The following UST variants were observed in gnomAD, a reference collection of about 807,000 sequenced individuals.
The protein encoded by UST is chondroitin sulfate 2-O-sulfotransferase.
In UST, 21 loss-of-function variants were observed where a neutral mutation model predicts 45.6. That is an observed-to-expected ratio of 0.46 (90% CI 0.33 to 0.66). The LOEUF is 0.66. Among genes scored for constraint, UST ranks in the 30% least tolerant of loss-of-function variants. UST has a pLI of 0.02. For missense variants in UST, 463 were observed against 512.4 expected (o/e 0.90, Z 0.93); for synonymous variants, 215 against 200.6 (o/e 1.07, Z -0.61).
At chr6:148,763,896 T>C (rs1220063076) in intron 1 of UST, among the ~76,000 whole-genome samples, 1 of 152,224 alleles carries the variant, frequency 6.6e-6, no homozygotes, top group Non-Finnish European at 1.5e-5. Flanking sequence ...TTGGTTACTA[T>C]AGTCTTGTAG....
chr6:149,062,005 T>C (rs975164380), intron 7 of UST, among the ~76,000 whole-genome samples: 3 of 152,234 alleles, frequency 2.0e-5, no homozygotes, highest in Non-Finnish European at 4.4e-5. Context: ...TACCCAACAG[T>C]GTTTGAATCT....
chr6:148,877,269 T>G (rs1446050319), intron 1 of UST, among the ~76,000 whole-genome samples: 1 of 30,984 alleles, frequency 3.2e-5, no homozygotes, highest in African/African-American at 1.3e-4. Flanking sequence ...GGGGTCGTGT[T>G]TGAGTGCGGG....
chr6:148,851,455 T>G (rs1466535201), intron 1 of UST, among the ~76,000 whole-genome samples: 1 of 152,166 alleles, frequency 6.6e-6, no homozygotes, highest in Non-Finnish European at 1.5e-5. Flanking sequence ...TCACAGATAC[T>G]GCTTTATTTA....
chr6:148,789,426 A>ATCTCTCTC (rs751939500), intron 1 of UST, among the ~76,000 whole-genome samples: 8 of 143,544 alleles, frequency 5.6e-5, no homozygotes, highest in African/African-American at 2.1e-4. Flanking sequence ...TCTTGTGCAG[A>ATCTCTCTC]TCTCTCTCTC....
intron 7 of UST, among the ~76,000 whole-genome samples, chr6:149,028,906 G>A (rs1205529223): frequency 6.6e-6 from 1 of 152,148 alleles, no homozygotes; most frequent in African/African-American, 2.4e-5. Context: ...TGATAATAGA[G>A]TTTTTTTAAG....
rs150497204 is a variant in UST at position 148,831,848 on chromosome 6, A to C, written c.248-55138A>C. Among the ~76,000 whole-genome samples, 977 of 152,326 alleles carry C rather than the reference A, an allele frequency of 6.4e-3. 4 individuals are homozygous for C. Among genetic ancestry groups the C allele is most frequent in the Non-Finnish European group, 9.6e-3 (653 of 68,028 alleles). On this transcript the variant is annotated intron_variant, in intron 1 of 7. Transcript: ENST00000367463. ...GGTGGAACTGAGACCCAGATTGCTT[A>C]AATACTTTCCCGAAGTCATATATAG... is the stretch of plus-strand genomic sequence containing the variant.
intron 2 of UST, among the ~76,000 whole-genome samples, chr6:148,930,941 T>C: frequency 6.6e-6 from 1 of 152,272 alleles, no homozygotes; most frequent in East Asian, 1.9e-4. Flanking sequence ...ATGATGTGAT[T>C]CACAGTGAAC....
intron 1 of UST, among the ~76,000 whole-genome samples, chr6:148,862,688 G>T (rs888498485): frequency 6.6e-6 from 1 of 152,120 alleles, no homozygotes; most frequent in Non-Finnish European, 1.5e-5. Context: ...TTTAGGGCAG[G>T]CCTGGTGGTG....
chr6:149,047,152 C>T (rs1003926368), intron 7 of UST, among the ~76,000 whole-genome samples: 4 of 152,072 alleles, frequency 2.6e-5, no homozygotes, highest in Non-Finnish European at 4.4e-5. Flanking sequence ...TAATACAGAC[C>T]AAGAGTAAAA....
chr6:148,854,604 G>A (rs1341058411), intron 1 of UST, among the ~76,000 whole-genome samples: 1 of 152,038 alleles, frequency 6.6e-6, no homozygotes, highest in East Asian at 1.9e-4. Flanking sequence ...TTTGGTAGAA[G>A]TCAGTGTTGG....
intron 1 of UST, among the ~76,000 whole-genome samples, chr6:148,779,229 A>G (rs1469221412): frequency 6.6e-6 from 1 of 151,946 alleles, no homozygotes; most frequent in East Asian, 1.9e-4. Context: ...CTCCTTTTCA[A>G]GTGTGGATTT....
At chr6:148,856,024 T>TGTTTC (rs1011675938) in intron 1 of UST, among the ~76,000 whole-genome samples, 2 of 152,102 alleles carry the variant, frequency 1.3e-5, no homozygotes, top group African/African-American at 4.8e-5. Flanking sequence ...TGTTTTGTTT[T>TGTTTC]GTTTCGTTTT....
rs1408769597 is a variant in UST at position 148,747,669 on chromosome 6, A to T, written c.239A>T (p.Gln80Leu). Residue 80 changes from glutamine (Q) to leucine (L), a missense_variant, in exon 1 of 8, where the codon CAG becomes CTG. Gln to Leu is a moderately radical substitution (Grantham distance 113). Coordinates refer to ENST00000367463, the MANE Select transcript of UST (RefSeq NM_005715.3). The part of the protein sequence containing the change: ...GPPRFLLDLR[Q>L]YLGNSTYLDD... Reference sequence around the variant, plus strand: ...CCTCGCTTCCTGCTCGACCTGCGGCAGTACTTGGGTAAGGAAGCTGGGCAG... The same window carrying T: ...CCTCGCTTCCTGCTCGACCTGCGGCTGTACTTGGGTAAGGAAGCTGGGCAG... The T allele has an allele frequency of 3.8e-6, 6 of 1,598,998 alleles. No homozygotes were observed. The highest frequency in any genetic ancestry group is 2.7e-5 in the African/African-American group (2 of 73,652).
chr6:149,040,427 C>G (rs566249190), intron 7 of UST, among the ~76,000 whole-genome samples: 4 of 152,152 alleles, frequency 2.6e-5, no homozygotes, highest in African/African-American at 9.6e-5. Flanking sequence ...GGAGGCCGGG[C>G]GGGCGGATCA....
At chr6:149,062,050 A>G (rs1776662172) in intron 7 of UST, among the ~76,000 whole-genome samples, 1 of 152,270 alleles carries the variant, frequency 6.6e-6, no homozygotes, top group African/African-American at 2.4e-5. Flanking sequence ...CACACCCAGC[A>G]CAAATTCATT....
intron 4 of UST, among the ~76,000 whole-genome samples, chr6:148,956,559 G>C (rs1457676867): frequency 6.6e-6 from 1 of 152,148 alleles, no homozygotes; most frequent in Non-Finnish European, 1.5e-5. Flanking sequence ...TAAGATTTGG[G>C]TGGGGACACG....
chr6:148,930,576 T>C (rs1779902602), intron 2 of UST, among the ~76,000 whole-genome samples: 1 of 152,232 alleles, frequency 6.6e-6, no homozygotes, highest in Non-Finnish European at 1.5e-5. Context: ...GTTCATACGA[T>C]GGTGGAAAAC....
At chr6:149,013,683 T>C (rs1775853491) in intron 5 of UST, among the ~76,000 whole-genome samples, 1 of 152,192 alleles carries the variant, frequency 6.6e-6, no homozygotes, top group Admixed American at 6.5e-5. Context: ...ATCTTGGAGC[T>C]GAGACCAGCA....
At position 148,972,836 on chromosome 6, in the gene UST, C is replaced by T. The variant is rs368358397; in HGVS notation, c.681+8273C>T. Among the ~76,000 whole-genome samples the T allele has an allele frequency of 1.9e-4, 29 of 151,642 alleles. 1 individual carries two copies. In the South Asian group the frequency reaches 5.4e-3, roughly 28 times the overall value. On this transcript the variant is annotated intron_variant, in intron 5 of 7. Transcript: ENST00000367463. ...ACTACTGATTCCTGGGTCCCACACC[C>T]GAAAGTTCTGGTTTAATAGGTCTAG... is the stretch of plus-strand genomic sequence containing the variant.
Sources: gnomAD v4.1 joint callset for allele counts (sites outside exome capture counted in the v4.1 genomes callset) on GRCh38, gnomAD v4.1.1 for gene constraint, MANE v1.5 for transcripts, NCBI Gene and HGNC (gene_info 2026-07-23, HGNC 2026-07-21) for gene names.